Variants in CDH23 observed in about 807,000 individuals in gnomAD.
The protein encoded by CDH23 is cadherin related 23, also known as cadherin-23.
CDH23 carries 189 observed loss-of-function variants against 317.1 expected under a neutral mutation model. The ratio of observed to expected loss-of-function variants is 0.60; its 90% CI spans 0.53 to 0.67. The LOEUF is 0.67. Ranked by LOEUF, CDH23 falls within the 30% of genes least tolerant of loss-of-function variation. The pLI is 0.00. For missense variants in CDH23, 4,401 were observed against 4,592.4 expected, an observed-to-expected ratio of 0.96 and a Z score of 1.20; for synonymous variants, 1,839 against 1,876.8, an observed-to-expected ratio of 0.98 and a Z score of 0.52.
In CDH23 at chr10:71,805,942, G is replaced by A. The variant is rs749342092; in HGVS notation, c.8009G>A (p.Ser2670Asn). 12 of 1,613,416 alleles carry A rather than the reference G, an allele frequency of 7.4e-6. No homozygotes were observed. Among genetic ancestry groups the A allele is most frequent in the African/African-American group, 1.3e-5 (1 of 74,892 alleles). The change falls in exon 56 of 70, where the codon AGC becomes AAC. Residue 2670 changes from serine to asparagine, a missense_variant. By Grantham distance (46) the Ser-to-Asn change is conservative. Transcript: ENST00000224721. Reference protein sequence around the residue: ...DWEFFIIDPISGLIQTAQRLD... With the variant: ...DWEFFIIDPINGLIQTAQRLD... ...GAGTTCTTCATCATCGACCCAATCA[G>A]CGGCCTCATCCAGACTGCTCAGCGC... is the stretch of plus-strand genomic sequence containing the variant.
At position 71,732,252 on chromosome 10, in the gene CDH23, A is replaced by T; in HGVS notation, c.3981A>T (p.Ala1327=). The part of the protein sequence containing the change: ...SYEAAILENL[A]LGTEIVRVQA... ...AGGCTGCCATCCTGGAGAATCTGGC[A>T]CTGGGTACTGAGATTGTGCGGGTCC... The change falls in exon 32 of 70, where the codon GCA becomes GCT. Residue 1327 remains alanine, a synonymous_variant. Transcript: ENST00000224721. 6.2e-7 allele frequency: 1 copy of T among 1,613,768 alleles called. No homozygotes were observed.
intron 11 of CDH23, among the ~76,000 whole-genome samples, chr10:71,631,026 G>A (rs10999923): frequency 0.2 from 30,066 of 152,144 alleles, 3,256 homozygotes; most frequent in Non-Finnish European, 0.24. Flanking sequence ...GGAGGATTAT[G>A]TGAGCCCAGG....
chr10:71,567,672 A>C (rs940973230), intron 7 of CDH23, among the ~76,000 whole-genome samples: 3 of 152,246 alleles, frequency 2.0e-5, no homozygotes, highest in Non-Finnish European at 2.9e-5. Context: ...ACATCGCAGC[A>C]TGCCCTTTGT....
intron 14 of CDH23, among the ~76,000 whole-genome samples, chr10:71,651,313 T>A (rs1341241304): frequency 1.3e-5 from 2 of 148,184 alleles, no homozygotes; most frequent in Non-Finnish European, 3.0e-5. Flanking sequence ...CTGGATCACT[T>A]GCGCCTAGGA....
At chr10:71,705,151 C>T in intron 25 of CDH23, 21 bp downstream of exon 25, 1 of 1,594,824 alleles carries the variant, frequency 6.3e-7, no homozygotes, top group Non-Finnish European at 8.5e-7. Flanking sequence ...GCAGGGGCTT[C>T]TGCTGTGTGC....
At chr10:71,731,401 G>A (rs1480190222) in intron 31 of CDH23, among the ~76,000 whole-genome samples, 5 of 152,210 alleles carry the variant, frequency 3.3e-5, no homozygotes, top group Non-Finnish European at 5.9e-5. Context: ...GGAATCTCAG[G>A]CATGTTAGGA....
chr10:71,801,257 C>T (rs1174179751), intron 53 of CDH23, among the ~76,000 whole-genome samples: 1 of 144,060 alleles, frequency 6.9e-6, no homozygotes, highest in African/African-American at 2.6e-5. Context: ...CAGGTTCAAG[C>T]AATTCTCCTG....
chr10:71,774,335 C>A (rs1370536618), intron 38 of CDH23, among the ~76,000 whole-genome samples: 1 of 151,682 alleles, frequency 6.6e-6, no homozygotes, highest in East Asian at 1.9e-4. Context: ...GCACTGCTGG[C>A]ACCACTGGAA....
intron 9 of CDH23, among the ~76,000 whole-genome samples, chr10:71,584,612 C>G (rs1360441200): frequency 2.0e-5 from 3 of 150,510 alleles, no homozygotes; most frequent in Non-Finnish European, 3.0e-5. Context: ...CAGACTTGCA[C>G]AACCTCACAC....
At chr10:71,689,242 C>T (rs1865093745) in intron 19 of CDH23, among the ~76,000 whole-genome samples, 2 of 151,826 alleles carry the variant, frequency 1.3e-5, no homozygotes, top group Non-Finnish European at 2.9e-5. Flanking sequence ...ATGGTGGAGT[C>T]AGAACTGGTC....
chr10:71,556,904 T>G (rs1433595329), intron 6 of CDH23, among the ~76,000 whole-genome samples: 2 of 152,186 alleles, frequency 1.3e-5, no homozygotes, highest in South Asian at 2.1e-4. Flanking sequence ...AATTTCACTT[T>G]TACACCATCC....
chr10:71,508,903 C>A (rs980124434), intron 3 of CDH23, among the ~76,000 whole-genome samples: 3 of 152,232 alleles, frequency 2.0e-5, no homozygotes, highest in Admixed American at 2.0e-4. Context: ...TTGCCTGGGG[C>A]TTCCTGGTTT....
intron 41 of CDH23, among the ~76,000 whole-genome samples, chr10:71,782,884 G>A (rs1359846537): frequency 6.6e-6 from 1 of 152,236 alleles, no homozygotes; most frequent in East Asian, 1.9e-4. Context: ...AGGGCTGGTG[G>A]GAAATCCCAG....
chr10:71,683,913 G>T (rs1227093), intron 18 of CDH23, among the ~76,000 whole-genome samples: 105,359 of 151,670 alleles, frequency 0.69, 37,041 homozygotes, highest in East Asian at 0.88. Flanking sequence ...AAACTCCATC[G>T]CTACTAAAAA....
At chr10:71,564,354 T>C (rs1172332127) in intron 6 of CDH23, among the ~76,000 whole-genome samples, 5 of 152,236 alleles carry the variant, frequency 3.3e-5, no homozygotes, top group Non-Finnish European at 7.3e-5. Context: ...GAAGTCAGCA[T>C]TCTTTTCTCT....
chr10:71,645,871 A>T lies in CDH23; in HGVS notation c.1181A>T (p.Asn394Ile). The T allele has an allele frequency of 1.2e-6, 2 of 1,612,930 alleles. No homozygotes were observed. Among genetic ancestry groups the T allele is most frequent in the Non-Finnish European group, 1.7e-6 (2 of 1,179,242 alleles). ...SMFEVYLVGN[N>I]SHHFIISPTS... Reference sequence around the variant, plus strand: ...TTTGAGGTGTACTTGGTGGGGAACAACTCCCACCACTTCATCATCTCCCCG... The same window carrying T: ...TTTGAGGTGTACTTGGTGGGGAACATCTCCCACCACTTCATCATCTCCCCG... The change falls in exon 13 of 70, where the codon AAC (asparagine) becomes ATC (isoleucine). Residue 394 changes from asparagine to isoleucine, a missense_variant. Asn to Ile is a moderately radical substitution (Grantham distance 149). Coordinates refer to ENST00000224721, the MANE Select transcript of CDH23 (RefSeq NM_022124.6).
intron 11 of CDH23, among the ~76,000 whole-genome samples, chr10:71,638,888 G>A (rs1432937327): frequency 6.6e-6 from 1 of 152,216 alleles, no homozygotes; most frequent in African/African-American, 2.4e-5. Context: ...GGGAGGCAGG[G>A]AGGGGGCAAG....
At chr10:71,658,075 C>G (rs1863492249) in intron 14 of CDH23, among the ~76,000 whole-genome samples, 1 of 152,228 alleles carries the variant, frequency 6.6e-6, no homozygotes, top group Non-Finnish European at 1.5e-5. Context: ...GTTCATCTCC[C>G]TCAGAGGGGC....
At chr10:71,725,641 A>C in intron 30 of CDH23, 121 bp downstream of exon 30, 2 of 1,187,280 alleles carry the variant, frequency 1.7e-6, no homozygotes, top group South Asian at 3.1e-5. Flanking sequence ...TAGGTGCTGA[A>C]TGACATCTGG....
Sources: gnomAD v4.1 joint callset for allele counts (sites outside exome capture counted in the v4.1 genomes callset) on GRCh38, gnomAD v4.1.1 for gene constraint, MANE v1.5 for transcripts, NCBI Gene and HGNC (gene_info 2026-07-23, HGNC 2026-07-21) for gene names.